FGF14: variants seen among roughly 807,000 people sequenced by gnomAD.
FGF14 encodes the protein fibroblast growth factor 14, also known as fibroblast growth factor homologous factor 4.
A neutral mutation model predicts 25.5 loss-of-function variants in FGF14; 5 were observed. That is an observed-to-expected ratio of 0.20 (90% CI 0.10 to 0.41). The LOEUF (loss-of-function observed/expected upper bound fraction) is 0.41, where lower values mean the gene tolerates loss of function less well. Among genes scored for constraint, FGF14 ranks in the 10% least tolerant of loss-of-function variants. The pLI, the probability that FGF14 is intolerant of heterozygous loss-of-function variation, is 1.00. For missense variants in FGF14, 222 were observed against 320.1 expected (o/e 0.69, Z 2.34); for synonymous variants, 138 against 118.3 (o/e 1.17, Z -1.08).
chr13:102,347,831 G>GGATA (rs2057157407), intron 1 of FGF14, among the ~76,000 whole-genome samples: 1 of 152,082 alleles, frequency 6.6e-6, no homozygotes, highest in African/African-American at 2.4e-5. Context: ...GTTTTGTCAT[G>GGATA]GATAGGGAGT....
rs553906532 is a variant in FGF14 at position 101,722,082 on chromosome 13, C to T, written c.*749G>A. 6.5e-6 allele frequency: 1 copy of T among 153,156 alleles called. No individual in the cohort carries two copies. The highest frequency in any genetic ancestry group is 2.4e-5 in the African/African-American group (1 of 41,528). 9.5% of individuals were successfully genotyped at this position (153,156 alleles called of 1,614,324 possible). ...GTCAAACACATATCATAGAGAGCTTCCCTGGATTGTGTTTGAGCCATTTCC... is the reference window on the plus strand; with the variant it reads ...GTCAAACACATATCATAGAGAGCTTTCCTGGATTGTGTTTGAGCCATTTCC... On this transcript the variant is annotated 3_prime_UTR_variant, in exon 5 of 5. Coordinates refer to ENST00000376143, the MANE Select transcript of FGF14 (RefSeq NM_004115.4).
At chr13:102,095,401 A>T (rs1045492165) in intron 1 of FGF14, among the ~76,000 whole-genome samples, 1 of 152,162 alleles carries the variant, frequency 6.6e-6, no homozygotes, top group Non-Finnish European at 1.5e-5. Flanking sequence ...TTCTTTTACG[A>T]CATAGGCCCC....
chr13:101,942,919 T>C (rs987149320), intron 1 of FGF14, among the ~76,000 whole-genome samples: 2 of 152,204 alleles, frequency 1.3e-5, no homozygotes, highest in African/African-American at 4.8e-5. Context: ...GCCCTCAGGG[T>C]TGGCATTATG....
At chr13:102,198,943 G>C (rs540676525) in intron 1 of FGF14, among the ~76,000 whole-genome samples, 1 of 152,162 alleles carries the variant, frequency 6.6e-6, no homozygotes, top group African/African-American at 2.4e-5. Context: ...CTAAAACTAC[G>C]ACTGCCTCAG....
chr13:101,760,090 A>C (rs1007977299), intron 3 of FGF14, among the ~76,000 whole-genome samples: 1 of 152,208 alleles, frequency 6.6e-6, no homozygotes, highest in African/African-American at 2.4e-5. Flanking sequence ...CTAGCAACTA[A>C]AGAGAAAATC....
In FGF14 at chr13:101,916,434, G is replaced by A. The variant is rs780976981; in HGVS notation, c.193+19C>T. 37 of 1,613,656 alleles carry A rather than the reference G, an allele frequency of 2.3e-5. No homozygotes were observed. The highest frequency in any genetic ancestry group is 5.3e-5 in the African/African-American group (4 of 74,924). On this transcript the variant is annotated intron_variant, in intron 1 of 4. Coordinates refer to ENST00000376143, the MANE Select transcript of FGF14 (RefSeq NM_004115.4). ...GGGGGCGACCCGGGGCGCATCTCCC[G>A]ACCATGACCCCCACAGACCTTGGCG...
chr13:102,330,033 GATCAC>G (rs2138827926), intron 1 of FGF14, among the ~76,000 whole-genome samples: 1 of 152,176 alleles, frequency 6.6e-6, no homozygotes, highest in Non-Finnish European at 1.5e-5. Flanking sequence ...TTCTCACTCT[GATCAC>G]ACAACCGCTA....
chr13:102,299,018 A>C (rs1649840135), intron 1 of FGF14, among the ~76,000 whole-genome samples: 1 of 152,148 alleles, frequency 6.6e-6, no homozygotes. Context: ...AAGATCACTA[A>C]GACATACTTT....
chr13:102,174,216 C>T (rs2048353040), intron 1 of FGF14, among the ~76,000 whole-genome samples: 1 of 151,320 alleles, frequency 6.6e-6, no homozygotes, highest in African/African-American at 2.4e-5. Flanking sequence ...CTCACTGCAA[C>T]CTCTGTCTCC....
At chr13:101,913,028 C>A (rs958212498) in intron 1 of FGF14, among the ~76,000 whole-genome samples, 1 of 152,034 alleles carries the variant, frequency 6.6e-6, no homozygotes, top group South Asian at 2.1e-4. Context: ...ACAACAGTGA[C>A]GTATGAAATA....
At chr13:102,128,680 G>C (rs528683234) in intron 1 of FGF14, among the ~76,000 whole-genome samples, 1 of 152,164 alleles carries the variant, frequency 6.6e-6, no homozygotes, top group Admixed American at 6.5e-5. Context: ...ACTGGCAAAC[G>C]TATGTGAAAA....
chr13:102,284,451 C>G (rs1242494190), intron 1 of FGF14, among the ~76,000 whole-genome samples: 1 of 152,024 alleles, frequency 6.6e-6, no homozygotes, highest in Non-Finnish European at 1.5e-5. Context: ...TAAAGTTTAA[C>G]CTTTGCATAA....
intron 1 of FGF14, among the ~76,000 whole-genome samples, chr13:102,371,393 ATCTC>A (rs1380279330): frequency 1.3e-5 from 2 of 151,524 alleles, no homozygotes; most frequent in Non-Finnish European, 2.9e-5. Flanking sequence ...TTTACTCATT[ATCTC>A]TCTCTCTCCT....
Position 101,720,769 on chromosome 13 carries a change from T to TAAC in FGF14, c.*2059_*2061dup, listed in dbSNP as rs2034921624. On this transcript the variant is annotated 3_prime_UTR_variant, in exon 5 of 5. Transcript: ENST00000376143. The stretch of plus-strand genomic sequence containing the variant: ...AAAAACAATAGGCTTCAAGATGACA[T>TAAC]AACACCAAATCAAAAATGACCAAAG... The TAAC allele has an allele frequency of 1.3e-5, 2 of 152,244 alleles. No individual in the cohort carries two copies. Among genetic ancestry groups the TAAC allele is most frequent in the South Asian group, 2.1e-4 (1 of 4,828 alleles). The allele number at this position is 152,244 out of a possible 1,614,324, so 9.4% of individuals were successfully genotyped here. A position where few individuals can be genotyped will look rare whatever the true frequency, so the allele number is the denominator to read the frequency against.
chr13:102,066,892 A>G (rs1319372763), intron 1 of FGF14, among the ~76,000 whole-genome samples: 1 of 152,094 alleles, frequency 6.6e-6, no homozygotes, highest in East Asian at 1.9e-4. Flanking sequence ...CTCACAACCC[A>G]TGCTTGAATC....
At chr13:101,996,213 G>C (rs2039176571) in intron 1 of FGF14, among the ~76,000 whole-genome samples, 1 of 152,102 alleles carries the variant, frequency 6.6e-6, no homozygotes, top group Non-Finnish European at 1.5e-5. Context: ...TTTGTGTTTT[G>C]AATAGGTACA....
chr13:101,973,169 A>C (rs1204506340), intron 1 of FGF14, among the ~76,000 whole-genome samples: 3 of 149,218 alleles, frequency 2.0e-5, no homozygotes, highest in Non-Finnish European at 3.0e-5. Context: ...GTTCTTGAGA[A>C]TGCATTGAAC....
chr13:101,870,098 A>T (rs531773152), intron 2 of FGF14, among the ~76,000 whole-genome samples: 1 of 152,202 alleles, frequency 6.6e-6, no homozygotes. Context: ...TTCACTACGT[A>T]AACTAATATC....
At chr13:101,912,248 G>A (rs536531055) in intron 1 of FGF14, among the ~76,000 whole-genome samples, 32 of 152,130 alleles carry the variant, frequency 2.1e-4, no homozygotes, top group Middle Eastern at 3.4e-3. Flanking sequence ...TATACATACT[G>A]TAATTTATTT....
Sources: gnomAD v4.1 joint callset for allele counts (sites outside exome capture counted in the v4.1 genomes callset) on GRCh38, gnomAD v4.1.1 for gene constraint, MANE v1.5 for transcripts, NCBI Gene and HGNC (gene_info 2026-07-23, HGNC 2026-07-21) for gene names.